Variants in FAM193A observed in about 807,000 individuals in gnomAD.
The protein encoded by FAM193A is family with sequence similarity 193 member A, also known as protein FAM193A.
A neutral mutation model predicts 126.5 loss-of-function variants in FAM193A; 22 were observed. That is an observed-to-expected ratio of 0.17 (90% CI 0.12 to 0.25). The LOEUF (loss-of-function observed/expected upper bound fraction) is 0.25, where lower values mean the gene tolerates loss of function less well. Among genes scored for constraint, FAM193A ranks in the 10% least tolerant of loss-of-function variants. FAM193A has a pLI of 1.00. For synonymous variants in FAM193A, 761 were observed against 646.8 expected (o/e 1.18, Z -2.68); for missense variants, 1,675 against 1,672.8 (o/e 1.00, Z -0.02).
chr4:2,710,592 C>G (rs1353599746), intron 19 of FAM193A, among the ~76,000 whole-genome samples: 1 of 151,882 alleles, frequency 6.6e-6, no homozygotes, highest in East Asian at 1.9e-4. Flanking sequence ...ACCTCAACTT[C>G]CCTGGGCTCG....
At chr4:2,641,864 G>A (rs1427744858) in intron 6 of FAM193A, among the ~76,000 whole-genome samples, 1 of 152,140 alleles carries the variant, frequency 6.6e-6, no homozygotes, top group African/African-American at 2.4e-5. Context: ...GGCTACTTGG[G>A]AGGCTGAGGC....
At chr4:2,577,952 A>C (rs1297128899) in intron 1 of FAM193A, among the ~76,000 whole-genome samples, 1 of 152,206 alleles carries the variant, frequency 6.6e-6, no homozygotes, top group Non-Finnish European at 1.5e-5. Context: ...CATTCAACAA[A>C]CATCCATTAG....
chr4:2,646,686 C>G lies in FAM193A; in HGVS notation c.1165C>G (p.Leu389Val). 1 of 1,604,294 alleles carries G rather than the reference C, an allele frequency of 6.2e-7. No homozygotes were observed. The highest frequency in any genetic ancestry group is 8.5e-7 in the Non-Finnish European group (1 of 1,175,820). ...NLPALVSQIRLGTTTHDTCSE... is the reference protein window; with the variant it reads ...NLPALVSQIRVGTTTHDTCSE... ...GTTACAAGGCCTTCTCTCTCCTAGG[C>G]TAGGAACCACCACACACGACACCTG... is the stretch of plus-strand genomic sequence containing the variant. Residue 389 changes from leucine (L) to valine (V), a missense_variant and splice_region_variant, in exon 7 of 21, where the codon CTA (leucine) becomes GTA (valine). Leu to Val is a conservative substitution (Grantham distance 32, BLOSUM62 1). Around this residue, in one of 4 missense-constraint regions of FAM193A, gnomAD observed 1,186 missense variants for 1,109.2 expected, o/e 1.07. Coordinates refer to ENST00000637812, the MANE Select transcript of FAM193A (RefSeq NM_001366318.2).
chr4:2,700,922 G>C (rs1717651894), intron 19 of FAM193A, among the ~76,000 whole-genome samples: 1 of 152,158 alleles, frequency 6.6e-6, no homozygotes, highest in South Asian at 2.1e-4. Context: ...CCAAGATCAT[G>C]CCGTTGCACT....
At position 2,699,942 on chromosome 4, in the gene FAM193A, G is replaced by A. The variant is rs775800619; in HGVS notation, c.3770G>A (p.Gly1257Glu). The change falls in exon 19 of 21, where the codon GGA becomes GAA. Residue 1257 changes from glycine (G) to glutamate (E), a missense_variant. Physicochemically the swap from Gly to Glu is moderately conservative, Grantham distance 98. Transcript: ENST00000637812. ...QAATESVPNS[G>E]NIHNGSLEQT... ...GCAACAGAGTCTGTTCCTAACTCTG[G>A]AAACATCCACAATGGCTCACTAGAG... 1 of 1,613,888 alleles carries A rather than the reference G, an allele frequency of 6.2e-7. No homozygotes were observed. Among genetic ancestry groups the A allele is most frequent in the Non-Finnish European group, 8.5e-7 (1 of 1,179,974 alleles).
Position 2,626,548 on chromosome 4 carries a change from C to G in FAM193A, c.774C>G (p.Asp258Glu). Residue 258 changes from aspartate to glutamate, a missense_variant, in exon 4 of 21, where the codon GAC becomes GAG. By Grantham distance (45) the Asp-to-Glu change is conservative. Transcript: ENST00000637812. ...ACCAGGACCAGTCTCTGGTGCCTGA[C>G]AAGGAGGGAGTGAAGGAGCTCGTGG... ...ADDQDQSLVP[D>E]KEGVKELVDR... 2 of 701,942 alleles carry G rather than the reference C, an allele frequency of 2.8e-6. No individual in the cohort carries two copies. The highest frequency in any genetic ancestry group is 2.7e-4 in the Middle Eastern group (1 of 3,752). The allele number at this position is 701,942 out of a possible 1,614,324, so 43.5% of individuals were successfully genotyped here.
At chr4:2,541,853 CAG>C (rs1360255326) in intron 1 of FAM193A, among the ~76,000 whole-genome samples, 59 of 151,876 alleles carry the variant, frequency 3.9e-4, no homozygotes, top group African/African-American at 1.3e-3. Context: ...ATTTTTGAGA[CAG>C]AGTCTTGCTC....
Position 2,663,244 on chromosome 4 carries a change from G to A in FAM193A, c.2035G>A (p.Glu679Lys). ...VLGSRSPRTE[E>K]SKADSPPPSY... ...GGGAAGCAGGAGCCCCAGGACAGAG[G>A]AGAGCAAAGCAGACAGTCCACCCCC... Residue 679 changes from glutamate (E) to lysine (K), a missense_variant, in exon 12 of 21, where the codon GAG (glutamate) becomes AAG (lysine). Transcript: ENST00000637812. 3.7e-6 allele frequency: 6 copies of A among 1,613,406 alleles called. No individual in the cohort carries two copies. Among genetic ancestry groups the A allele is most frequent in the Non-Finnish European group, 5.1e-6 (6 of 1,179,860 alleles).
At chr4:2,552,499 T>G (rs555235048) in intron 1 of FAM193A, among the ~76,000 whole-genome samples, 1 of 152,170 alleles carries the variant, frequency 6.6e-6, no homozygotes, top group Admixed American at 6.6e-5. Context: ...TGAGCCATAC[T>G]TAAGCTGTAT....
At chr4:2,587,903 G>C (rs951825527) in intron 1 of FAM193A, among the ~76,000 whole-genome samples, 1 of 152,140 alleles carries the variant, frequency 6.6e-6, no homozygotes, top group African/African-American at 2.4e-5. Flanking sequence ...GAAAGAGAAA[G>C]TGATGATATG....
intron 1 of FAM193A, among the ~76,000 whole-genome samples, chr4:2,585,123 A>G (rs967746077): frequency 6.6e-6 from 1 of 152,232 alleles, no homozygotes; most frequent in African/African-American, 2.4e-5. Flanking sequence ...ATTTCACCAT[A>G]TAGATGACTG....
At chr4:2,538,230 G>A (rs1449841309) in intron 1 of FAM193A, among the ~76,000 whole-genome samples, 3 of 149,768 alleles carry the variant, frequency 2.0e-5, no homozygotes, top group South Asian at 2.1e-4. Flanking sequence ...ACGGAGTCTC[G>A]CTCTGTCGCC....
chr4:2,667,912 TTTTTTC>T (rs1286738282), intron 12 of FAM193A, among the ~76,000 whole-genome samples: 1 of 152,214 alleles, frequency 6.6e-6, no homozygotes, highest in Non-Finnish European at 1.5e-5. Context: ...ATGTATCTCT[TTTTTTC>T]TTAGAGACAG....
chr4:2,564,258 T>A (rs913533963), intron 1 of FAM193A, among the ~76,000 whole-genome samples: 4 of 152,032 alleles, frequency 2.6e-5, no homozygotes, highest in African/African-American at 4.8e-5. Flanking sequence ...TTTTTTTTTA[T>A]TTTTTGTAGA....
intron 19 of FAM193A, chr4:2,708,037 A>G (rs1168228441): frequency 2.8e-6 from 1 of 356,354 alleles, no homozygotes; most frequent in East Asian, 1.1e-4. Context: ...GGCGTGAGCC[A>G]CTGTGCCCAG....
intron 4 of FAM193A, among the ~76,000 whole-genome samples, chr4:2,628,892 AC>A (rs1317724814): frequency 1.4e-5 from 2 of 143,628 alleles, no homozygotes; most frequent in African/African-American, 5.3e-5. Context: ...TCGCTCTGTC[AC>A]CCAGGGTGGA....
intron 19 of FAM193A, among the ~76,000 whole-genome samples, chr4:2,710,161 GTTTTT>G (rs796903801): frequency 3.3e-5 from 3 of 91,822 alleles, no homozygotes; most frequent in African/African-American, 1.2e-4. Flanking sequence ...TTCTTCTTTT[GTTTTT>G]TTTTTTTTTT....
chr4:2,700,387 C>T lies in FAM193A; in HGVS notation c.4215C>T (p.His1405=). The T allele has an allele frequency of 6.2e-7, 1 of 1,614,156 alleles. No individual in the cohort carries two copies. The highest frequency in any genetic ancestry group is 8.5e-7 in the Non-Finnish European group (1 of 1,180,030). The change falls in exon 19 of 21, where the codon CAC becomes CAT. Residue 1405 remains histidine, a synonymous_variant. Transcript: ENST00000637812. Reference sequence around the variant, plus strand: ...ACAATAACAAAAAGCAGCTGAACCACATCAAGGACGAAAAGTCAAACCCAA... The same window carrying T: ...ACAATAACAAAAAGCAGCTGAACCATATCAAGGACGAAAAGTCAAACCCAA... The part of the protein sequence containing the change: ...SNNNNKKQLN[H]IKDEKSNPTP...
chr4:2,551,319 C>G (rs1181532144), intron 1 of FAM193A, among the ~76,000 whole-genome samples: 1 of 152,090 alleles, frequency 6.6e-6, no homozygotes, highest in African/African-American at 2.4e-5. Context: ...TTTAGCACAC[C>G]AAATCTGAAA....
Sources: allele counts gnomAD v4.1 joint callset (sites outside exome capture counted in the v4.1 genomes callset), GRCh38; gene constraint gnomAD v4.1.1; regional missense constraint gnomAD v4.1.1; transcripts MANE v1.5; gene names NCBI Gene and HGNC (gene_info 2026-07-23, HGNC 2026-07-21).